TOX2: variants seen among roughly 807,000 people sequenced by gnomAD.
TOX2 encodes granulosa cell HMG box 1.
A neutral mutation model predicts 47.4 loss-of-function variants in TOX2; 15 were observed. The observed-to-expected ratio is 0.32, with a 90% CI of 0.21 to 0.49. The LOEUF is 0.49. Ranked by LOEUF, TOX2 falls within the 20% of genes least tolerant of loss-of-function variation. TOX2 has a pLI of 0.99. For synonymous variants in TOX2, 290 were observed against 296.6 expected (o/e 0.98, Z 0.23); for missense variants, 622 against 673.1 (o/e 0.92, Z 0.84).
intron 3 of TOX2, among the ~76,000 whole-genome samples, chr20:44,036,101 T>G (rs1276448610): frequency 6.6e-6 from 1 of 152,176 alleles, no homozygotes; most frequent in Non-Finnish European, 1.5e-5. Flanking sequence ...TGGAGAGGGT[T>G]GCAGCTGCGA....
intron 2 of TOX2, among the ~76,000 whole-genome samples, chr20:43,981,651 TAAG>T (rs2070170858): frequency 1.3e-5 from 2 of 152,230 alleles, no homozygotes; most frequent in African/African-American, 2.4e-5. Flanking sequence ...AAATAAAATG[TAAG>T]AAGAAGGAGA....
At chr20:43,951,068 T>C (rs1046949842) in intron 1 of TOX2, among the ~76,000 whole-genome samples, 3 of 152,042 alleles carry the variant, frequency 2.0e-5, no homozygotes, top group Admixed American at 2.0e-4. Flanking sequence ...TTGACCTGCA[T>C]TGGCCAGAAG....
At chr20:43,983,397 C>G (rs777212598) in intron 2 of TOX2, among the ~76,000 whole-genome samples, 2 of 152,118 alleles carry the variant, frequency 1.3e-5, no homozygotes, top group South Asian at 2.1e-4. Context: ...CCACTTGGAT[C>G]AAGCATCTCC....
chr20:43,955,272 T>A lies in TOX2; in HGVS notation c.100-18095T>A, dbSNP rs532489068. On this transcript the variant is annotated intron_variant, in intron 1 of 8. Coordinates refer to ENST00000341197, the MANE Select transcript of TOX2 (RefSeq NM_001098797.2). ...TGGCTGAGAGCTGTGGATCTGTGCA[T>A]GTGAGTAGCTGCTGAAAACCCTCCT... The A allele has an allele frequency of 3.2e-4, 314 of 985,446 alleles. No individual in the cohort carries two copies. The African/African-American group carries it at 5.2e-3, about 16-fold the overall frequency. 61.0% of individuals were successfully genotyped at this position (985,446 alleles called of 1,614,324 possible).
intron 1 of TOX2, among the ~76,000 whole-genome samples, chr20:43,963,647 G>C (rs900051125): frequency 9.2e-5 from 14 of 152,172 alleles, no homozygotes; most frequent in Non-Finnish European, 1.8e-4. Context: ...ACGAATGTGC[G>C]TTGTGCCCAG....
At position 43,916,860 on chromosome 20, in the gene TOX2, C is replaced by T. The variant is rs2069060481; in HGVS notation, c.99+1870C>T. Among the ~76,000 whole-genome samples the T allele has an allele frequency of 6.6e-6, 1 of 152,092 alleles. No individual in the cohort carries two copies. Among genetic ancestry groups the T allele is most frequent in the South Asian group, 2.1e-4 (1 of 4,818 alleles). Reference sequence around the variant, plus strand: ...AGGGTGGGGCTGTCCCAAATAGGGGCCTTTGGAGGCAGGACTCAGCCGAGG... The same window carrying T: ...AGGGTGGGGCTGTCCCAAATAGGGGTCTTTGGAGGCAGGACTCAGCCGAGG... On this transcript the variant is annotated intron_variant, in intron 1 of 8. Transcript: ENST00000341197. This position sits in a 1 kb window ranked among gnomAD's most constrained non-coding sequence, Gnocchi z 5.0.
chr20:43,936,364 A>G (rs1021113169), intron 1 of TOX2, among the ~76,000 whole-genome samples: 1 of 152,204 alleles, frequency 6.6e-6, no homozygotes, highest in Non-Finnish European at 1.5e-5. Flanking sequence ...TAGCTCCTGT[A>G]TTGGTTGTGT....
intron 2 of TOX2, among the ~76,000 whole-genome samples, chr20:44,006,299 C>A (rs1185825382): frequency 1.3e-5 from 2 of 152,168 alleles, no homozygotes; most frequent in African/African-American, 4.8e-5. Context: ...AGCCGGCCCC[C>A]ATTCTCCAGG....
chr20:44,040,288 A>T (rs150808597), intron 3 of TOX2, among the ~76,000 whole-genome samples: 1 of 152,308 alleles, frequency 6.6e-6, no homozygotes, highest in Non-Finnish European at 1.5e-5. Flanking sequence ...GGAAAGTAAG[A>T]TGGGAGGAAA....
intron 1 of TOX2, among the ~76,000 whole-genome samples, chr20:43,922,035 ACAGCTGCCCAGTC>A (rs1189922536): frequency 6.6e-6 from 1 of 152,172 alleles, no homozygotes; most frequent in East Asian, 1.9e-4. Flanking sequence ...GGTTCAAATC[ACAGCTGCCCAGTC>A]CACTGGCTTG....
At chr20:44,027,350 G>A (rs1013686771) in intron 3 of TOX2, among the ~76,000 whole-genome samples, 1 of 152,306 alleles carries the variant, frequency 6.6e-6, no homozygotes, top group Middle Eastern at 3.4e-3. Flanking sequence ...CCCGTCATGC[G>A]GAGGTCCCAC....
At chr20:44,023,045 C>T (rs1169807103) in intron 3 of TOX2, among the ~76,000 whole-genome samples, 1 of 149,682 alleles carries the variant, frequency 6.7e-6, no homozygotes, top group Non-Finnish European at 1.5e-5. Context: ...AAGCTTCAGA[C>T]CATGATATAG....
chr20:44,026,840 G>A (rs1311953907), intron 3 of TOX2, among the ~76,000 whole-genome samples: 1 of 152,108 alleles, frequency 6.6e-6, no homozygotes, highest in Non-Finnish European at 1.5e-5. Flanking sequence ...CTTCTGTGGG[G>A]TGAGGCCACT....
intron 1 of TOX2, among the ~76,000 whole-genome samples, chr20:43,951,865 G>A (rs1361097175): frequency 7.0e-6 from 1 of 143,850 alleles, no homozygotes; most frequent in African/African-American, 2.6e-5. Flanking sequence ...ATACCACCAT[G>A]CCTGGCTAAT....
At chr20:44,017,481 G>T (rs1364580387) in intron 3 of TOX2, among the ~76,000 whole-genome samples, 1 of 152,170 alleles carries the variant, frequency 6.6e-6, no homozygotes. Context: ...AGTGACATGT[G>T]GAGCATCCCC....
chr20:43,979,530 T>A (rs922426896), intron 2 of TOX2, among the ~76,000 whole-genome samples: 2 of 152,082 alleles, frequency 1.3e-5, no homozygotes. Flanking sequence ...CCTTTGATAA[T>A]GGGATCACAT....
chr20:43,917,932 G>T (rs907641120), intron 1 of TOX2, among the ~76,000 whole-genome samples: 2 of 152,142 alleles, frequency 1.3e-5, no homozygotes, highest in African/African-American at 4.8e-5. Context: ...CTCCATGCTG[G>T]GAACCATTGG....
chr20:43,967,935 A>G (rs1474183864), intron 1 of TOX2, among the ~76,000 whole-genome samples: 2 of 152,186 alleles, frequency 1.3e-5, no homozygotes, highest in Non-Finnish European at 2.9e-5. Context: ...TACACTTTGC[A>G]TGCCTGTGTT....
intron 2 of TOX2, 46 bp from the exon 3 acceptor site, chr20:44,006,501 G>A: frequency 6.4e-7 from 1 of 1,567,060 alleles, no homozygotes; most frequent in East Asian, 2.2e-5. Context: ...ATGTTCTGCG[G>A]TTGTAAGGCA....
Sources: gnomAD v4.1 joint callset for allele counts (sites outside exome capture counted in the v4.1 genomes callset) on GRCh38, gnomAD v4.1.1 for gene constraint, Gnocchi (gnomAD v3.1) non-coding constraint, MANE v1.5 for transcripts, NCBI Gene and HGNC (gene_info 2026-07-23, HGNC 2026-07-21) for gene names.